PCNX2: variants seen among roughly 807,000 people sequenced by gnomAD.
The protein encoded by PCNX2 is pecanex 2.
In PCNX2, 168 loss-of-function variants were observed where a neutral mutation model predicts 223.8. That is an observed-to-expected ratio of 0.75 (90% CI 0.66 to 0.85). The LOEUF (loss-of-function observed/expected upper bound fraction) is 0.85, where lower values mean the gene tolerates loss of function less well. PCNX2 is among the 40% of genes least tolerant of loss of function. The pLI is 0.00. For missense variants in PCNX2, 2,507 were observed against 2,675.5 expected, an observed-to-expected ratio of 0.94 and a Z score of 1.39; for synonymous variants, 1,006 against 1,052.6, an observed-to-expected ratio of 0.96 and a Z score of 0.86.
chr1:233,203,787 T>C (rs372467583), intron 13 of PCNX2, among the ~76,000 whole-genome samples: 36 of 152,238 alleles, frequency 2.4e-4, no homozygotes, highest in African/African-American at 7.7e-4. Flanking sequence ...TGCCACCTCC[T>C]CCTGCTCTGA....
chr1:233,021,039 C>A (rs1019290667), intron 26 of PCNX2, among the ~76,000 whole-genome samples: 5 of 149,188 alleles, frequency 3.4e-5, no homozygotes, highest in Non-Finnish European at 7.5e-5. Flanking sequence ...AGAAGAAAAT[C>A]ATCTTTTTTT....
chr1:233,274,791 A>G (rs1323296081), intron 1 of PCNX2, among the ~76,000 whole-genome samples: 3 of 152,270 alleles, frequency 2.0e-5, no homozygotes, highest in Non-Finnish European at 2.9e-5. Flanking sequence ...ATTTGAAGTC[A>G]GAAGCAAGTG....
chr1:232,994,864 CAT>C (rs1669823194), intron 32 of PCNX2, among the ~76,000 whole-genome samples: 1 of 152,152 alleles, frequency 6.6e-6, no homozygotes, highest in Admixed American at 6.5e-5. Context: ...CACGTTCCAC[CAT>C]AATTGTAAGT....
In PCNX2 at chr1:233,088,875, C is replaced by G. The variant is rs75641473; in HGVS notation, c.4076+1186G>C. Among the ~76,000 whole-genome samples, 37 of 152,194 alleles carry G rather than the reference C, an allele frequency of 2.4e-4. 1 individual carries two copies. Among genetic ancestry groups the G allele is most frequent in the Non-Finnish European group, 1.2e-4 (8 of 68,040 alleles). ...GGTGCTTACTTTGTGGCAGCCCCTG[C>G]TCTCCGTGTTTTATGTATGTTAATT... On this transcript the variant is annotated intron_variant, in intron 23 of 33. Coordinates refer to ENST00000258229, the MANE Select transcript of PCNX2 (RefSeq NM_014801.4).
chr1:233,284,857 C>A (rs1661364780), intron 1 of PCNX2, among the ~76,000 whole-genome samples: 2 of 152,010 alleles, frequency 1.3e-5, no homozygotes, highest in Admixed American at 1.3e-4. Flanking sequence ...AGAGCCACAG[C>A]ATGACACCCA....
chr1:233,221,015 C>T (rs907533464), intron 10 of PCNX2, among the ~76,000 whole-genome samples: 1 of 152,106 alleles, frequency 6.6e-6, no homozygotes, highest in African/African-American at 2.4e-5. Flanking sequence ...AGCCTTGGGC[C>T]TCCTAAACAA....
At chr1:233,132,166 C>T (rs960509440) in intron 21 of PCNX2, among the ~76,000 whole-genome samples, 1 of 152,096 alleles carries the variant, frequency 6.6e-6, no homozygotes, top group Non-Finnish European at 1.5e-5. Flanking sequence ...TCTCGAACTC[C>T]TGACCTCGGG....
At chr1:233,220,429 A>G (rs1195656861) in intron 10 of PCNX2, among the ~76,000 whole-genome samples, 2 of 152,208 alleles carry the variant, frequency 1.3e-5, no homozygotes, top group Admixed American at 6.5e-5. Context: ...CCGTTGCTCC[A>G]CATCTTCACC....
chr1:233,080,667 G>T (rs1400392252), intron 23 of PCNX2, among the ~76,000 whole-genome samples: 1 of 152,008 alleles, frequency 6.6e-6, no homozygotes. Context: ...TCCCTTTTAT[G>T]AGGGCACTAA....
At chr1:233,163,359 C>A (rs1678608469) in intron 17 of PCNX2, among the ~76,000 whole-genome samples, 1 of 151,768 alleles carries the variant, frequency 6.6e-6, no homozygotes, top group Non-Finnish European at 1.5e-5. Flanking sequence ...TGGTGGCTCA[C>A]ACCTGTGGTC....
chr1:233,238,776 A>G (rs1196493668), intron 8 of PCNX2, among the ~76,000 whole-genome samples: 1 of 152,160 alleles, frequency 6.6e-6, no homozygotes, highest in East Asian at 1.9e-4. Flanking sequence ...TCATATAAAG[A>G]ACCGCTTAGG....
chr1:233,119,069 A>C (rs1675597710), intron 21 of PCNX2, among the ~76,000 whole-genome samples: 1 of 152,168 alleles, frequency 6.6e-6, no homozygotes, highest in Admixed American at 6.5e-5. Flanking sequence ...TGAGCAACTG[A>C]TTTTGACCAA....
At position 233,000,198 on chromosome 1, in the gene PCNX2, G is replaced by T; in HGVS notation, c.5328+107C>A. 1 of 1,111,150 alleles carries T rather than the reference G, an allele frequency of 9.0e-7. No individual in the cohort carries two copies. The highest frequency in any genetic ancestry group is 1.4e-6 in the Non-Finnish European group (1 of 732,640). 68.8% of individuals were successfully genotyped at this position (1,111,150 alleles called of 1,614,324 possible). ...AACATCCCTCTGAACAGAGGATGCTGGCACAGAGACTCCTGTGTCAGTGCC... is the reference window on the plus strand; with the variant it reads ...AACATCCCTCTGAACAGAGGATGCTTGCACAGAGACTCCTGTGTCAGTGCC... On this transcript the variant is annotated intron_variant, in intron 30 of 33. Transcript: ENST00000258229. This position sits in a 1 kb window ranked among gnomAD's most constrained non-coding sequence, Gnocchi z 4.6.
rs755270838 is a variant in PCNX2 at position 233,200,124 on chromosome 1, T to C, written c.2974+30A>G. 5 of 1,484,086 alleles carry C rather than the reference T, an allele frequency of 3.4e-6. No individual in the cohort carries two copies. The African/African-American group carries it at 4.2e-5, about 13-fold the overall frequency. The allele number at this position is 1,484,086 out of a possible 1,614,324, so 91.9% of individuals were successfully genotyped here. Reference sequence around the variant, plus strand: ...TCCTTATCTGAACTCTGAATTCCTTTACAGGAAGAATAGAATGTAAACGAC... The same window carrying C: ...TCCTTATCTGAACTCTGAATTCCTTCACAGGAAGAATAGAATGTAAACGAC... On this transcript the variant is annotated intron_variant, in intron 14 of 33. Transcript: ENST00000258229.
intron 8 of PCNX2, chr1:233,241,080 G>T: frequency 3.9e-6 from 3 of 765,610 alleles, no homozygotes; most frequent in Non-Finnish European, 4.8e-6. Flanking sequence ...CCAGCAACAT[G>T]TTCAACATGT....
At position 232,986,340 on chromosome 1, in the gene PCNX2, G is replaced by T. The variant is rs1669480248; in HGVS notation, c.5992C>A (p.Pro1998Thr). 1 of 1,597,188 alleles carries T rather than the reference G, an allele frequency of 6.3e-7. No homozygotes were observed. Among genetic ancestry groups the T allele is most frequent in the African/African-American group, 1.3e-5 (1 of 74,648 alleles). The change falls in exon 33 of 34, where the codon CCC (proline) becomes ACC (threonine). Residue 1998 changes from proline to threonine, a missense_variant. Coordinates refer to ENST00000258229, the MANE Select transcript of PCNX2 (RefSeq NM_014801.4). Reference sequence around the variant, plus strand: ...TGGCCGGTGGTGGTGACGGGCGGGGGCTGAGAGTGCAGGGACGTGGCCGAG... The same window carrying T: ...TGGCCGGTGGTGGTGACGGGCGGGGTCTGAGAGTGCAGGGACGTGGCCGAG... ...HASATSLHSQPPPVTTTGHLS... is the reference protein window; with the variant it reads ...HASATSLHSQTPPVTTTGHLS...
At chr1:233,176,937 G>A (rs996667553) in intron 17 of PCNX2, among the ~76,000 whole-genome samples, 13 of 152,148 alleles carry the variant, frequency 8.5e-5, no homozygotes, top group African/African-American at 3.1e-4. Flanking sequence ...GTGTGAACCT[G>A]GGAGGCGGAG....
At position 233,295,308 on chromosome 1, in the gene PCNX2, C is replaced by T; in HGVS notation, c.153+18G>A. 1 of 1,571,952 alleles carries T rather than the reference C, an allele frequency of 6.4e-7. No homozygotes were observed. The highest frequency in any genetic ancestry group is 8.6e-7 in the Non-Finnish European group (1 of 1,158,470). On this transcript the variant is annotated intron_variant, in intron 1 of 33. Transcript: ENST00000258229. The surrounding 1 kb of genome is among the most constrained non-coding windows in gnomAD (Gnocchi z 4.1). ...CTCCATACCCACAGCTCCCCGGGACCGGACCCTCCCCACTCACCAGGTGCA... is the reference window on the plus strand; with the variant it reads ...CTCCATACCCACAGCTCCCCGGGACTGGACCCTCCCCACTCACCAGGTGCA...
intron 10 of PCNX2, among the ~76,000 whole-genome samples, chr1:233,226,398 T>C (rs918186840): frequency 1.3e-5 from 2 of 152,122 alleles, no homozygotes; most frequent in East Asian, 1.9e-4. Context: ...GCCTCCTGAG[T>C]AGCTGGAACT....
Sources: gnomAD v4.1 joint callset for allele counts (sites outside exome capture counted in the v4.1 genomes callset) on GRCh38, gnomAD v4.1.1 for gene constraint, Gnocchi (gnomAD v3.1) non-coding constraint, MANE v1.5 for transcripts, NCBI Gene and HGNC (gene_info 2026-07-23, HGNC 2026-07-21) for gene names.